Variants in KIF26B observed in about 807,000 individuals in gnomAD.
KIF26B encodes kinesin family member 26B.
Under a neutral mutation model 151.2 loss-of-function variants are expected in KIF26B, and 63 were observed. The observed-to-expected ratio is 0.42, with a 90% confidence interval of 0.34 to 0.51. KIF26B has a LOEUF of 0.51. Among genes scored for constraint, KIF26B ranks in the 20% least tolerant of loss-of-function variants. The pLI is 0.07. For synonymous variants in KIF26B, 1,357 were observed against 1,262.1 expected (o/e 1.08, Z -1.59); for missense variants, 2,813 against 2,913.6 (o/e 0.97, Z 0.79).
intron 2 of KIF26B, among the ~76,000 whole-genome samples, chr1:245,230,658 G>A (rs534881671): frequency 6.6e-6 from 1 of 151,976 alleles, no homozygotes; most frequent in South Asian, 2.1e-4. Flanking sequence ...CAGGAGAATC[G>A]CTTGAACCCG....
chr1:245,539,716 T>A (rs528147721), intron 4 of KIF26B, among the ~76,000 whole-genome samples: 307 of 152,264 alleles, frequency 2.0e-3, no homozygotes, highest in African/African-American at 7.1e-3. Context: ...GCAGTGGCGC[T>A]ATCTGGGCTC....
At chr1:245,249,580 C>T (rs944063183) in intron 2 of KIF26B, among the ~76,000 whole-genome samples, 14 of 148,744 alleles carry the variant, frequency 9.4e-5, no homozygotes, top group East Asian at 2.0e-4. Flanking sequence ...CTCCACTTCC[C>T]GGGTTAATTA....
chr1:245,220,410 A>AGTCCAGG (rs66870554), intron 2 of KIF26B, among the ~76,000 whole-genome samples: 1 of 92,292 alleles, frequency 1.1e-5, no homozygotes, highest in African/African-American at 2.9e-5. Flanking sequence ...CAGACGATGG[A>AGTCCAGG]GTCCAGGGTC....
intron 3 of KIF26B, among the ~76,000 whole-genome samples, chr1:245,406,298 G>A (rs1471773424): frequency 1.3e-5 from 2 of 152,050 alleles, no homozygotes; most frequent in African/African-American, 4.8e-5. Flanking sequence ...GTTTACCAGG[G>A]GCCTGATGCC....
At chr1:245,537,234 T>A (rs1558204556) in intron 4 of KIF26B, among the ~76,000 whole-genome samples, 3 of 152,204 alleles carry the variant, frequency 2.0e-5, no homozygotes, top group Admixed American at 6.5e-5. Flanking sequence ...CTCAAGAGCC[T>A]GTGCAAAGGC....
Position 245,563,013 on chromosome 1 carries a change from A to G in KIF26B, c.1350+22063A>G, listed in dbSNP as rs1040513838. Reference sequence around the variant, plus strand: ...CAAGTGTAAGCCACCACACTTGTCCATCATTGCCTTTTAATCTTTGCATCC... The same window carrying G: ...CAAGTGTAAGCCACCACACTTGTCCGTCATTGCCTTTTAATCTTTGCATCC... On this transcript the variant is annotated intron_variant, in intron 5 of 14. Transcript: ENST00000407071. This position sits in a 1 kb window ranked among gnomAD's most constrained non-coding sequence, Gnocchi z 4.6. Among the ~76,000 whole-genome samples the G allele has an allele frequency of 1.3e-5, 2 of 152,176 alleles. No homozygotes were observed. The highest frequency in any genetic ancestry group is 2.9e-5 in the Non-Finnish European group (2 of 68,030).
At chr1:245,420,349 G>A (rs1658454704) in intron 4 of KIF26B, among the ~76,000 whole-genome samples, 1 of 152,186 alleles carries the variant, frequency 6.6e-6, no homozygotes, top group Non-Finnish European at 1.5e-5. Flanking sequence ...GCAGAGACGG[G>A]GCGGGAGACG....
intron 5 of KIF26B, among the ~76,000 whole-genome samples, chr1:245,593,470 C>T (rs2043310409): frequency 6.6e-6 from 1 of 152,138 alleles, no homozygotes; most frequent in African/African-American, 2.4e-5. Context: ...TGGTTTCCTG[C>T]TTCATCCATG....
intron 10 of KIF26B, among the ~76,000 whole-genome samples, chr1:245,669,461 A>G (rs1258426114): frequency 6.6e-6 from 1 of 152,226 alleles, no homozygotes; most frequent in Non-Finnish European, 1.5e-5. Context: ...CAGAATATAT[A>G]AAGAACTCCT....
chr1:245,455,943 C>G (rs1659508858), intron 4 of KIF26B, among the ~76,000 whole-genome samples: 1 of 152,100 alleles, frequency 6.6e-6, no homozygotes, highest in Non-Finnish European at 1.5e-5. Context: ...CTGTAATTAT[C>G]TGATAATTTA....
chr1:245,311,034 C>G (rs576363624), intron 2 of KIF26B, among the ~76,000 whole-genome samples: 1 of 152,224 alleles, frequency 6.6e-6, no homozygotes, highest in African/African-American at 2.4e-5. Context: ...TCAGGAATTT[C>G]TATCAGGAGT....
chr1:245,347,747 A>ACCACTC (rs1437479349), intron 2 of KIF26B, among the ~76,000 whole-genome samples: 1 of 152,256 alleles, frequency 6.6e-6, no homozygotes, highest in African/African-American at 2.4e-5. Context: ...CCACTCAATC[A>ACCACTC]AAAGCTCTTA....
chr1:245,156,745 C>T, intron 2 of KIF26B, 62 bp downstream of exon 2: 1 of 1,127,550 alleles, frequency 8.9e-7, no homozygotes, highest in Non-Finnish European at 1.2e-6. Flanking sequence ...CCGCCACCCA[C>T]AGCAGCTGCT....
chr1:245,500,579 G>T (rs139568914), intron 4 of KIF26B, among the ~76,000 whole-genome samples: 3 of 152,192 alleles, frequency 2.0e-5, no homozygotes, highest in Non-Finnish European at 4.4e-5. Flanking sequence ...ATTGGCAAGC[G>T]TTTCATCTCC....
intron 5 of KIF26B, among the ~76,000 whole-genome samples, chr1:245,542,302 A>G (rs1661642064): frequency 1.3e-5 from 2 of 152,238 alleles, no homozygotes. Flanking sequence ...GCAGTGAGCA[A>G]TGATCGTGCC....
intron 2 of KIF26B, among the ~76,000 whole-genome samples, chr1:245,225,707 C>T (rs973186792): frequency 1.3e-5 from 2 of 152,174 alleles, no homozygotes; most frequent in African/African-American, 2.4e-5. Flanking sequence ...CCCCTTTCCT[C>T]GGTCCGTAGG....
At chr1:245,168,701 TTC>T (rs1230828196) in intron 2 of KIF26B, among the ~76,000 whole-genome samples, 1 of 152,172 alleles carries the variant, frequency 6.6e-6, no homozygotes, top group Non-Finnish European at 1.5e-5. Context: ...TCCCTTTGAT[TTC>T]TCTCTTTTTT....
At chr1:245,363,408 C>G (rs1307553021) in intron 2 of KIF26B, among the ~76,000 whole-genome samples, 1 of 152,000 alleles carries the variant, frequency 6.6e-6, no homozygotes, top group Admixed American at 6.6e-5. Flanking sequence ...GTTGGGCAGG[C>G]TGGTCTCGGA....
chr1:245,587,210 T>G (rs992348569), intron 5 of KIF26B, among the ~76,000 whole-genome samples: 1 of 152,184 alleles, frequency 6.6e-6, no homozygotes, highest in Non-Finnish European at 1.5e-5. Context: ...AACATATTTA[T>G]GAAATCTTTC....
Sources: allele counts gnomAD v4.1 joint callset (sites outside exome capture counted in the v4.1 genomes callset), GRCh38; gene constraint gnomAD v4.1.1; non-coding constraint Gnocchi (gnomAD v3.1); transcripts MANE v1.5; gene names NCBI Gene and HGNC (gene_info 2026-07-23, HGNC 2026-07-21).